The following KDM1B variants were observed in gnomAD, a reference collection of about 807,000 sequenced individuals.
KDM1B encodes the protein lysine-specific histone demethylase 2.
KDM1B carries 63 observed loss-of-function variants against 107.4 expected under a neutral mutation model. The ratio of observed to expected loss-of-function variants is 0.59; its 90% CI spans 0.48 to 0.72. The LOEUF (loss-of-function observed/expected upper bound fraction) is 0.72. Among genes scored for constraint, KDM1B ranks in the 30% least tolerant of loss-of-function variants. KDM1B has a pLI of 0.00. For missense variants in KDM1B, 749 were observed against 1,020.8 expected, an observed-to-expected ratio of 0.73 and a Z score of 3.63; for synonymous variants, 363 against 363.9, an observed-to-expected ratio of 1.00 and a Z score of 0.03.
At chr6:18,181,798 AC>A (rs1474838892) in intron 7 of KDM1B, among the ~76,000 whole-genome samples, 3 of 152,196 alleles carry the variant, frequency 2.0e-5, no homozygotes, top group Non-Finnish European at 2.9e-5. Context: ...AATAAAAAAA[AC>A]AAACTTCATG....
intron 17 of KDM1B, among the ~76,000 whole-genome samples, chr6:18,210,699 T>C (rs1220033979): frequency 6.6e-6 from 1 of 151,948 alleles, no homozygotes; most frequent in Non-Finnish European, 1.5e-5. Flanking sequence ...ATTTTGTCAT[T>C]AAGAAAACAT....
Position 18,197,686 on chromosome 6 carries a change from A to C in KDM1B, c.1221+25A>C. On this transcript the variant is annotated intron_variant, in intron 12 of 21. Transcript: ENST00000650836. This position sits in a 1 kb window ranked among gnomAD's most constrained non-coding sequence, Gnocchi z 4.5. The stretch of plus-strand genomic sequence containing the variant: ...GGTAGGATTTTGGGGACATGGAGTT[A>C]GAACAGATGGTTGACTGCTCCTTTT... 6.4e-7 allele frequency: 1 copy of C among 1,568,082 alleles called. No homozygotes were observed. The highest frequency in any genetic ancestry group is 8.7e-7 in the Non-Finnish European group (1 of 1,143,506).
In KDM1B at chr6:18,205,884, C is replaced by T. The variant is rs1199800627; in HGVS notation, c.1659+220C>T. On this transcript the variant is annotated intron_variant, in intron 15 of 21. Coordinates refer to ENST00000650836, the MANE Select transcript of KDM1B (RefSeq NM_001364614.2). The surrounding 1 kb of genome is among the most constrained non-coding windows in gnomAD (Gnocchi z 5.7). ...GCGCATACCTGTAGTCCCAGCTACT[C>T]GGGAGGCTGAGGCAGGGGAATCGCT... 2.0e-5 allele frequency among the ~76,000 whole-genome samples: 3 copies of T among 151,856 alleles called. No individual in the cohort carries two copies. The highest frequency in any genetic ancestry group is 2.1e-4 in the South Asian group (1 of 4,816).
Position 18,180,669 on chromosome 6 carries a change from G to A in KDM1B, c.535-5103G>A, listed in dbSNP as rs570763469. On this transcript the variant is annotated intron_variant, in intron 7 of 21. Transcript: ENST00000650836. The stretch of plus-strand genomic sequence containing the variant: ...CAGCCTCTGCCTCCCAGGTTCAAGC[G>A]ATTCTCCCACGTCAGCCTCCCGAGT... Among the ~76,000 whole-genome samples the A allele has an allele frequency of 3.5e-3, 530 of 152,238 alleles. 1 individual carries two copies. Among genetic ancestry groups the A allele is most frequent in the Non-Finnish European group, 6.3e-3 (427 of 68,022 alleles).
intron 5 of KDM1B, among the ~76,000 whole-genome samples, chr6:18,165,276 A>G (rs1484176241): frequency 6.6e-6 from 1 of 150,960 alleles, no homozygotes; most frequent in Non-Finnish European, 1.5e-5. Flanking sequence ...GACTACAGGC[A>G]CCCGCTACCA....
chr6:18,174,715 G>A (rs906534327), intron 7 of KDM1B, among the ~76,000 whole-genome samples: 2 of 152,016 alleles, frequency 1.3e-5, no homozygotes, highest in African/African-American at 4.8e-5. Flanking sequence ...TATGGTGTTT[G>A]GTTTTCCATT....
At position 18,159,997 on chromosome 6, in the gene KDM1B, T is replaced by G; in HGVS notation, c.87+15T>G. The G allele has an allele frequency of 6.4e-7, 1 of 1,550,862 alleles. No homozygotes were observed. The highest frequency in any genetic ancestry group is 8.8e-7 in the Non-Finnish European group (1 of 1,138,180). ...CCGGTAGGCAGGTAGTGTTCATTTA[T>G]TCATTCAACAAGCCTTTTTTGAGCA... is the stretch of plus-strand genomic sequence containing the variant. On this transcript the variant is annotated intron_variant, in intron 3 of 21. Transcript: ENST00000650836. This position sits in a 1 kb window ranked among gnomAD's most constrained non-coding sequence, Gnocchi z 4.5.
Position 18,222,876 on chromosome 6 carries a change from T to C in KDM1B, c.*884T>C, listed in dbSNP as rs538122349. ...TATTTAAAAGCACTGATTCAATTGC[T>C]AGGAATATTTTTGCAGATTTTTCTT... On this transcript the variant is annotated 3_prime_UTR_variant, in exon 22 of 22. Coordinates refer to ENST00000650836, the MANE Select transcript of KDM1B (RefSeq NM_001364614.2). The C allele has an allele frequency of 9.8e-5, 15 of 152,766 alleles. 1 individual carries two copies. In the East Asian group the frequency reaches 2.3e-3, roughly 24 times the overall value. 9.5% of individuals were successfully genotyped at this position (152,766 alleles called of 1,614,324 possible).
chr6:18,176,683 C>T (rs1165738158), intron 7 of KDM1B, among the ~76,000 whole-genome samples: 1 of 152,034 alleles, frequency 6.6e-6, no homozygotes, highest in Non-Finnish European at 1.5e-5. Flanking sequence ...GGATTTTGTC[C>T]AGTGCTTTTT....
At chr6:18,164,374 T>TTGGGAG (rs1785157528) in intron 5 of KDM1B, among the ~76,000 whole-genome samples, 1 of 152,096 alleles carries the variant, frequency 6.6e-6, no homozygotes, top group Non-Finnish European at 1.5e-5. Flanking sequence ...GTGATCTGCC[T>TTGGGAG]GCCTCAGCCT....
intron 2 of KDM1B, among the ~76,000 whole-genome samples, chr6:18,156,190 T>G (rs1309940611): frequency 1.3e-5 from 2 of 152,192 alleles, no homozygotes; most frequent in African/African-American, 2.4e-5. Flanking sequence ...TGATGAGCAT[T>G]GCCAGGTTGC....
intron 2 of KDM1B, among the ~76,000 whole-genome samples, chr6:18,158,223 A>G (rs1784754436): frequency 6.6e-6 from 1 of 150,698 alleles, no homozygotes; most frequent in Non-Finnish European, 1.5e-5. Flanking sequence ...ATTTCAGAAT[A>G]TGTAGGGATT....
intron 3 of KDM1B, 81 bp from the exon 4 acceptor site, chr6:18,161,246 T>C: frequency 1.5e-6 from 2 of 1,322,748 alleles, no homozygotes; most frequent in South Asian, 2.5e-5. Flanking sequence ...AGAACTCAGC[T>C]GTGATTTCAG....
intron 3 of KDM1B, among the ~76,000 whole-genome samples, chr6:18,160,586 A>G (rs1784902296): frequency 6.6e-6 from 1 of 151,934 alleles, no homozygotes; most frequent in Non-Finnish European, 1.5e-5. Flanking sequence ...AATATGCAAA[A>G]AATTAGCTGG....
At position 18,223,201 on chromosome 6, in the gene KDM1B, TA is replaced by T. The variant is rs1789903848; in HGVS notation, c.*1212del. 1 of 152,610 alleles carries T rather than the reference TA, an allele frequency of 6.6e-6. No individual in the cohort carries two copies. Among genetic ancestry groups the T allele is most frequent in the Non-Finnish European group, 1.5e-5 (1 of 68,030 alleles). The allele number at this position is 152,610 out of a possible 1,614,324, so 9.5% of individuals were successfully genotyped here. A position where few individuals can be genotyped will look rare whatever the true frequency, so the allele number is the denominator to read the frequency against. ...TACTGGTTTGCTTTAAAGAAGGGAC[TA>T]AATATGACTTTAAAGAGACTTCAAA... On this transcript the variant is annotated 3_prime_UTR_variant, in exon 22 of 22. Coordinates refer to ENST00000650836, the MANE Select transcript of KDM1B (RefSeq NM_001364614.2).
In KDM1B at chr6:18,155,478, G is replaced by GGCGCGGCTGCAGCCGTCCTGTGC. The variant is rs1483835565; in HGVS notation, c.-143_-121dup. ...CGGCCGAGAAGAGGCTGGGGCTCGC[G>GGCGCGGCTGCAGCCGTCCTGTGC]GCGCGGCTGCAGCCGTCCTGTGCGC... On this transcript the variant is annotated 5_prime_UTR_variant, in exon 1 of 22. Transcript: ENST00000650836. The surrounding 1 kb of genome is among the most constrained non-coding windows in gnomAD (Gnocchi z 6.2). The GGCGCGGCTGCAGCCGTCCTGTGC allele has an allele frequency of 7.7e-5, 12 of 155,932 alleles. No individual in the cohort carries two copies. Among genetic ancestry groups the GGCGCGGCTGCAGCCGTCCTGTGC allele is most frequent in the Non-Finnish European group, 2.8e-5 (2 of 70,828 alleles). 9.7% of individuals were successfully genotyped at this position (155,932 alleles called of 1,614,324 possible).
intron 5 of KDM1B, among the ~76,000 whole-genome samples, chr6:18,165,782 A>G (rs1785258328): frequency 6.6e-6 from 1 of 152,358 alleles, no homozygotes; most frequent in African/African-American, 2.4e-5. Context: ...AGATTGTGCC[A>G]TTGCGCTGCA....
At position 18,223,507 on chromosome 6, in the gene KDM1B, G is replaced by T. The variant is rs1009210697; in HGVS notation, c.*1515G>T. ...TATCATGTATTAAAATGTTTAGACA[G>T]CATGTGTTTTAAAGTGATAAATGCA... On this transcript the variant is annotated 3_prime_UTR_variant, in exon 22 of 22. Coordinates refer to ENST00000650836, the MANE Select transcript of KDM1B (RefSeq NM_001364614.2). The T allele has an allele frequency of 2.0e-5, 3 of 152,152 alleles. No individual in the cohort carries two copies. The highest frequency in any genetic ancestry group is 4.4e-5 in the Non-Finnish European group (3 of 68,034). 9.4% of individuals were successfully genotyped at this position (152,152 alleles called of 1,614,324 possible).
chr6:18,187,329 ATACT>A (rs1786935209), intron 8 of KDM1B, among the ~76,000 whole-genome samples: 2 of 152,180 alleles, frequency 1.3e-5, no homozygotes, highest in African/African-American at 4.8e-5. Context: ...AAAAGCGGTA[ATACT>A]TACTACTTGG....
Sources: gnomAD v4.1 joint callset for allele counts (sites outside exome capture counted in the v4.1 genomes callset) on GRCh38, gnomAD v4.1.1 for gene constraint, Gnocchi (gnomAD v3.1) non-coding constraint, MANE v1.5 for transcripts, NCBI Gene and HGNC (gene_info 2026-07-23, HGNC 2026-07-21) for gene names.